The following LCOR variants were observed in gnomAD, a reference collection of about 807,000 sequenced individuals.
LCOR encodes ligand-dependent corepressor.
Under a neutral mutation model 64.4 loss-of-function variants are expected in LCOR, and 14 were observed. That is an observed-to-expected ratio of 0.22 (90% CI 0.14 to 0.34). The LOEUF (loss-of-function observed/expected upper bound fraction) is 0.34. Among genes scored for constraint, LCOR ranks in the 10% least tolerant of loss-of-function variants. The pLI is 1.00. For synonymous variants in LCOR, 643 were observed against 642.5 expected (o/e 1.00, Z -0.01); for missense variants, 1,686 against 1,765.3 (o/e 0.96, Z 0.80).
intron 2 of LCOR, among the ~76,000 whole-genome samples, chr10:96,905,372 T>A (rs1846710068): frequency 6.6e-6 from 1 of 152,214 alleles, no homozygotes; most frequent in South Asian, 2.1e-4. Flanking sequence ...CCTTTAGCTA[T>A]TTGCGTTGTG....
intron 7 of LCOR, among the ~76,000 whole-genome samples, chr10:96,966,648 A>G (rs988047278): frequency 1.3e-5 from 2 of 152,204 alleles, no homozygotes; most frequent in African/African-American, 2.4e-5. Flanking sequence ...AATATAGTAG[A>G]TAAGAGTTCT....
At chr10:96,833,312 C>T (rs1043191116) in intron 1 of LCOR, 94 bp from the exon 2 acceptor site, 22 of 949,674 alleles carry the variant, frequency 2.3e-5, no homozygotes, top group African/African-American at 1.6e-4. Flanking sequence ...TCCCTGCGGG[C>T]CGGAGGGAGC....
intron 2 of LCOR, among the ~76,000 whole-genome samples, chr10:96,896,966 A>G (rs921117491): frequency 3.9e-5 from 6 of 152,120 alleles, no homozygotes; most frequent in Non-Finnish European, 8.8e-5. Flanking sequence ...TTTCAACTAT[A>G]GAAATTTCCA....
At chr10:96,892,412 AAAT>A (rs1846460610) in intron 2 of LCOR, among the ~76,000 whole-genome samples, 2 of 152,172 alleles carry the variant, frequency 1.3e-5, no homozygotes, top group African/African-American at 4.8e-5. Flanking sequence ...CTTATAAAAA[AAAT>A]TATTTCTCAC....
intron 7 of LCOR, among the ~76,000 whole-genome samples, chr10:96,965,570 G>C (rs1847940571): frequency 6.7e-6 from 1 of 149,494 alleles, no homozygotes; most frequent in Non-Finnish European, 1.5e-5. Flanking sequence ...GCTGAGGCAG[G>C]AGAATGGCGT....
chr10:96,975,797 C>A (rs1364052693), intron 7 of LCOR, among the ~76,000 whole-genome samples: 1 of 151,800 alleles, frequency 6.6e-6, no homozygotes, highest in Non-Finnish European at 1.5e-5. Flanking sequence ...GGTGGATCAC[C>A]TGAGGTCAGG....
At chr10:96,969,038 G>A (rs1847974663) in intron 7 of LCOR, among the ~76,000 whole-genome samples, 1 of 152,134 alleles carries the variant, frequency 6.6e-6, no homozygotes, top group African/African-American at 2.4e-5. Context: ...TGTAAAAGAG[G>A]GTCATAGATT....
chr10:96,882,273 T>C lies in LCOR; in HGVS notation c.-329-24992T>C, dbSNP rs76366271. Among the ~76,000 whole-genome samples the C allele has an allele frequency of 7.4e-4, 112 of 152,326 alleles. 1 individual carries two copies. In the East Asian group the frequency reaches 0.02, roughly 27 times the overall value. The stretch of plus-strand genomic sequence containing the variant: ...TTACATCTGCTTTTTCATTCAACTG[T>C]AGCATATGTTATTTTGGTTGAAGTA... On this transcript the variant is annotated intron_variant, in intron 2 of 7. Transcript: ENST00000421806.
intron 2 of LCOR, among the ~76,000 whole-genome samples, chr10:96,883,565 CATT>C (rs938010033): frequency 5.5e-4 from 84 of 152,302 alleles, no homozygotes; most frequent in African/African-American, 1.4e-3. Context: ...GGTTGTATCT[CATT>C]GTTGTTTCAA....
intron 7 of LCOR, among the ~76,000 whole-genome samples, chr10:96,953,475 C>G (rs575205972): frequency 6.6e-6 from 1 of 152,202 alleles, no homozygotes; most frequent in Non-Finnish European, 1.5e-5. Flanking sequence ...CGCTTGAGCC[C>G]AGAAGGTCAC....
Position 96,984,423 on chromosome 10 carries a change from A to C in LCOR, c.3963A>C (p.Arg1321Ser). The C allele has an allele frequency of 6.2e-7, 1 of 1,614,250 alleles. No homozygotes were observed. The highest frequency in any genetic ancestry group is 8.5e-7 in the Non-Finnish European group (1 of 1,180,048). The part of the protein sequence containing the change: ...RKYSNIRGKL[R>S]AQQRLIKNEK... The stretch of plus-strand genomic sequence containing the variant: ...ATTCCAATATTCGAGGAAAGCTCAG[A>C]GCCCAGCAACGTTTAATCAAGAATG... The change falls in exon 8 of 8, where the codon AGA (arginine) becomes AGC (serine). Residue 1321 changes from arginine to serine, a missense_variant. Arg to Ser is a moderately radical substitution (Grantham distance 110). Coordinates refer to ENST00000421806, the MANE Select transcript of LCOR (RefSeq NM_001346516.2).
chr10:96,935,575 C>T (rs917594162), intron 4 of LCOR, among the ~76,000 whole-genome samples: 1 of 152,206 alleles, frequency 6.6e-6, no homozygotes, highest in Non-Finnish European at 1.5e-5. Flanking sequence ...TGGCTCTCGC[C>T]TGTAATCCAG....
chr10:96,856,004 A>C (rs569530931), intron 2 of LCOR, among the ~76,000 whole-genome samples: 2 of 152,156 alleles, frequency 1.3e-5, no homozygotes, highest in South Asian at 4.1e-4. Flanking sequence ...TCAGCCTCCC[A>C]ACGTGCTGGG....
At chr10:96,902,993 C>T (rs1846666981) in intron 2 of LCOR, among the ~76,000 whole-genome samples, 1 of 152,184 alleles carries the variant, frequency 6.6e-6, no homozygotes, top group African/African-American at 2.4e-5. Flanking sequence ...CAAATCTGTA[C>T]AGCACATTAC....
chr10:96,880,852 T>C (rs1846250510), intron 2 of LCOR, among the ~76,000 whole-genome samples: 1 of 152,264 alleles, frequency 6.6e-6, no homozygotes, highest in Admixed American at 6.5e-5. Context: ...TAACAGTTGA[T>C]ATTTGTTTCT....
At chr10:96,905,668 T>G (rs1846714996) in intron 2 of LCOR, among the ~76,000 whole-genome samples, 1 of 152,150 alleles carries the variant, frequency 6.6e-6, no homozygotes. Flanking sequence ...TAGTGGAATA[T>G]ATTTTAATTT....
chr10:96,855,902 C>T (rs774241300), intron 2 of LCOR, among the ~76,000 whole-genome samples: 24 of 150,846 alleles, frequency 1.6e-4, no homozygotes, highest in African/African-American at 5.1e-4. Context: ...CCACCATGCC[C>T]GGCTAATTTT....
At chr10:96,850,649 T>C (rs1845708540) in intron 2 of LCOR, among the ~76,000 whole-genome samples, 1 of 152,098 alleles carries the variant, frequency 6.6e-6, no homozygotes, top group Non-Finnish European at 1.5e-5. Flanking sequence ...CAGGTCTTGC[T>C]ATGTTGCCCA....
At chr10:96,936,002 ATGTT>A (rs530899178) in intron 4 of LCOR, among the ~76,000 whole-genome samples, 13 of 152,224 alleles carry the variant, frequency 8.5e-5, no homozygotes, top group South Asian at 2.1e-4. Flanking sequence ...GACCTATTAA[ATGTT>A]TGTTTATTTG....
Sources: allele counts gnomAD v4.1 joint callset (sites outside exome capture counted in the v4.1 genomes callset), GRCh38; gene constraint gnomAD v4.1.1; transcripts MANE v1.5; gene names NCBI Gene and HGNC (gene_info 2026-07-23, HGNC 2026-07-21).